The following RBM19 variants were observed in gnomAD, a reference collection of about 807,000 sequenced individuals.
The protein encoded by RBM19 is RNA binding motif protein 19.
A neutral mutation model predicts 116.8 loss-of-function variants in RBM19; 94 were observed. The ratio of observed to expected loss-of-function variants is 0.80; its 90% CI spans 0.68 to 0.95. The LOEUF (loss-of-function observed/expected upper bound fraction) is 0.95, where lower values mean the gene tolerates loss of function less well. Among genes scored for constraint, RBM19 ranks in the 40% least tolerant of loss-of-function variants. RBM19 has a pLI of 0.00. For synonymous variants in RBM19, 475 were observed against 494.1 expected, an observed-to-expected ratio of 0.96 and a Z score of 0.51; for missense variants, 1,161 against 1,220.7, an observed-to-expected ratio of 0.95 and a Z score of 0.73.
intron 21 of RBM19, among the ~76,000 whole-genome samples, chr12:113,907,370 G>A (rs1276526046): frequency 6.6e-6 from 1 of 152,176 alleles, no homozygotes. Flanking sequence ...CAATGCACCT[G>A]GTACAGAGAG....
At chr12:113,927,473 C>A in intron 16 of RBM19, 1 of 485,034 alleles carries the variant, frequency 2.1e-6, no homozygotes, top group Non-Finnish European at 3.6e-6. Flanking sequence ...AAACACAGCC[C>A]TCAAATGGAG....
chr12:113,949,012 C>G lies in RBM19; in HGVS notation c.1097G>C (p.Arg366Thr). The G allele has an allele frequency of 5.6e-6, 9 of 1,614,118 alleles. No individual in the cohort carries two copies. The highest frequency in any genetic ancestry group is 7.6e-6 in the Non-Finnish European group (9 of 1,179,984). ...CTTGGTGGTGGGGACGTTCTTTTCC[C>G]TGAACACCTCGATGTAGCGCCCACC... is the stretch of plus-strand genomic sequence containing the variant. ...YMGGRYIEVF[R>T]EKNVPTTKGA... is the part of the protein sequence containing the mutation. Residue 366 changes from arginine (R) to threonine (T), a missense_variant, in exon 10 of 24, where the codon AGG becomes ACG. Coordinates refer to ENST00000261741, the MANE Select transcript of RBM19 (RefSeq NM_016196.4).
intron 21 of RBM19, among the ~76,000 whole-genome samples, chr12:113,907,278 C>G (rs555662159): frequency 6.6e-6 from 1 of 152,176 alleles, no homozygotes; most frequent in South Asian, 2.1e-4. Context: ...GTTTACTGCC[C>G]CTACTGCCAA....
chr12:113,879,868 G>A (rs532485331), intron 21 of RBM19, among the ~76,000 whole-genome samples: 2 of 152,110 alleles, frequency 1.3e-5, no homozygotes, highest in African/African-American at 4.8e-5. Context: ...ATGGAGGGCA[G>A]TACTGTGACT....
chr12:113,951,217 T>C (rs954371077), intron 8 of RBM19, among the ~76,000 whole-genome samples: 2 of 152,114 alleles, frequency 1.3e-5, no homozygotes, highest in African/African-American at 4.8e-5. Context: ...CCAGCCTGCC[T>C]CCTCCCCAGC....
intron 21 of RBM19, among the ~76,000 whole-genome samples, chr12:113,870,221 C>A (rs1488314054): frequency 2.0e-5 from 3 of 152,160 alleles, no homozygotes; most frequent in Non-Finnish European, 4.4e-5. Context: ...CGGCTCACAC[C>A]CACTCCTGCT....
chr12:113,934,721 A>G lies in RBM19; in HGVS notation c.2068+2286T>C, dbSNP rs116193691. 3.1e-3 allele frequency among the ~76,000 whole-genome samples: 478 copies of G among 152,326 alleles called. 1 individual carries two copies. The highest frequency in any genetic ancestry group is 0.011 in the African/African-American group (461 of 41,570). ...AAGGGCCATTTGTGAGAGTGGGGAC[A>G]AATGGGAGCCCCCTCTATTATTTTG... On this transcript the variant is annotated intron_variant, in intron 16 of 23. Coordinates refer to ENST00000261741, the MANE Select transcript of RBM19 (RefSeq NM_016196.4).
chr12:113,899,987 C>T (rs897164633), intron 21 of RBM19, among the ~76,000 whole-genome samples: 16 of 152,242 alleles, frequency 1.1e-4, no homozygotes, highest in African/African-American at 3.9e-4. Context: ...CTGCTTGGGG[C>T]AGGAGGGGAG....
At chr12:113,868,382 TA>T (rs1878991020) in intron 21 of RBM19, among the ~76,000 whole-genome samples, 1 of 119,412 alleles carries the variant, frequency 8.4e-6, no homozygotes, top group Non-Finnish European at 2.1e-5. Flanking sequence ...GAGAATTTCA[TA>T]AAAATAGAGT....
intron 8 of RBM19, 38 bp downstream of exon 8, chr12:113,952,474 C>T: frequency 1.9e-6 from 3 of 1,566,094 alleles, no homozygotes; most frequent in Non-Finnish European, 8.8e-7. Context: ...TCTTCACTGT[C>T]TACCCGCCTT....
intron 23 of RBM19, among the ~76,000 whole-genome samples, chr12:113,827,966 G>C (rs917040763): frequency 3.9e-5 from 6 of 151,978 alleles, no homozygotes; most frequent in African/African-American, 1.5e-4. Context: ...ATAGTGCCTA[G>C]CACACGGCAA....
intron 21 of RBM19, among the ~76,000 whole-genome samples, chr12:113,900,351 T>C (rs1204075221): frequency 3.9e-5 from 6 of 152,182 alleles, no homozygotes; most frequent in African/African-American, 1.2e-4. Flanking sequence ...CGTGCAGCTG[T>C]TGACTTATCA....
intron 1 of RBM19, among the ~76,000 whole-genome samples, chr12:113,965,509 C>G (rs1872798321): frequency 6.7e-6 from 1 of 149,600 alleles, no homozygotes; most frequent in Admixed American, 6.6e-5. Context: ...GAGCAGTAAT[C>G]CATTTAAAAA....
chr12:113,931,255 T>G (rs1264775189), intron 16 of RBM19, among the ~76,000 whole-genome samples: 1 of 151,934 alleles, frequency 6.6e-6, no homozygotes, highest in Non-Finnish European at 1.5e-5. Context: ...TAATGGCCCT[T>G]CCCCCTCTCT....
chr12:113,870,341 C>T lies in RBM19; in HGVS notation c.2559-11445G>A, dbSNP rs190178510. On this transcript the variant is annotated intron_variant, in intron 21 of 23. Transcript: ENST00000261741. ...TCTGTGCCCACTCCTTCGCCTGCCA[C>T]GTCTCCTACAGACACTGAAAGGGCC... 1.4e-4 allele frequency among the ~76,000 whole-genome samples: 22 copies of T among 152,290 alleles called. No homozygotes were observed. In the East Asian group the frequency reaches 2.9e-3, roughly 20 times the overall value.
Position 113,903,486 on chromosome 12 carries a change from T to C in RBM19, c.2558+11483A>G, listed in dbSNP as rs1356397084. ...CTGTTGTTGATGCCCAAGAGTGCAA[T>C]CACTGGGTCATAGAGAAAGTGCACG... On this transcript the variant is annotated intron_variant, in intron 21 of 23. Transcript: ENST00000261741. This position sits in a 1 kb window ranked among gnomAD's most constrained non-coding sequence, Gnocchi z 5.1. Among the ~76,000 whole-genome samples the C allele has an allele frequency of 6.6e-6, 1 of 152,212 alleles. No homozygotes were observed. The highest frequency in any genetic ancestry group is 1.5e-5 in the Non-Finnish European group (1 of 68,030).
Position 113,915,098 on chromosome 12 carries a change from G to A in RBM19, c.2442-13C>T, listed in dbSNP as rs1420032990. ...TGTCACGGCTGGCCTGGAGTGGTGG[G>A]GGGAGAGGGTCCAAGTTATTCGGAG... is the stretch of plus-strand genomic sequence containing the variant. On this transcript the variant is annotated splice_polypyrimidine_tract_variant and intron_variant, in intron 20 of 23. Coordinates refer to ENST00000261741, the MANE Select transcript of RBM19 (RefSeq NM_016196.4). The A allele has an allele frequency of 6.2e-7, 1 of 1,607,502 alleles. No homozygotes were observed. Among genetic ancestry groups the A allele is most frequent in the Non-Finnish European group, 8.5e-7 (1 of 1,173,944 alleles).
chr12:113,843,259 T>C (rs1184985438), intron 23 of RBM19, among the ~76,000 whole-genome samples: 1 of 151,766 alleles, frequency 6.6e-6, no homozygotes, highest in Admixed American at 6.6e-5. Context: ...AGAAGTGGGG[T>C]TGGGGGATGC....
chr12:113,942,496 C>A, intron 13 of RBM19, 62 bp from the exon 14 acceptor site: 1 of 1,346,564 alleles, frequency 7.4e-7, no homozygotes, highest in Non-Finnish European at 1.0e-6. Context: ...CTGGCCCTCC[C>A]ATCTCCCAAC....
Sources: gnomAD v4.1 joint callset for allele counts (sites outside exome capture counted in the v4.1 genomes callset) on GRCh38, gnomAD v4.1.1 for gene constraint, Gnocchi (gnomAD v3.1) non-coding constraint, MANE v1.5 for transcripts, NCBI Gene and HGNC (gene_info 2026-07-23, HGNC 2026-07-21) for gene names.